Variants in SLC15A1 observed in about 807,000 individuals in gnomAD.
SLC15A1 encodes Caco-2 oligopeptide transporter.
In SLC15A1, 83 loss-of-function variants were observed where a neutral mutation model predicts 92.9. The ratio of observed to expected loss-of-function variants is 0.89; its 90% CI spans 0.75 to 1.07. The LOEUF (loss-of-function observed/expected upper bound fraction) is 1.07. Ranked by LOEUF, SLC15A1 falls within the 50% of genes least tolerant of loss-of-function variation. The probability of loss-of-function intolerance (pLI) is 0.00; values close to 1 mark genes in which losing one functional copy is unlikely to be tolerated. For synonymous variants in SLC15A1, 322 were observed against 318.2 expected (o/e 1.01, Z -0.13); for missense variants, 857 against 880.1 (o/e 0.97, Z 0.33).
chr13:98,706,392 T>C, intron 15 of SLC15A1, 139 bp from the exon 16 acceptor site: 7 of 897,108 alleles, frequency 7.8e-6, no homozygotes, highest in Non-Finnish European at 1.2e-5. Flanking sequence ...CCCACTAAGC[T>C]GCCAATCACA....
At chr13:98,736,121 A>G (rs1329636185) in intron 1 of SLC15A1, among the ~76,000 whole-genome samples, 9 of 152,224 alleles carry the variant, frequency 5.9e-5, no homozygotes, top group African/African-American at 2.4e-5. Flanking sequence ...CCAAAACAGC[A>G]TGGTACTGGT....
chr13:98,704,542 T>A (rs374097036), intron 16 of SLC15A1, 107 bp from the exon 17 acceptor site: 21 of 1,191,852 alleles, frequency 1.8e-5, no homozygotes, highest in East Asian at 5.1e-5. Flanking sequence ...CAGGTTCATG[T>A]TCATAGATAC....
At chr13:98,690,654 G>A (rs368779630) in intron 18 of SLC15A1, among the ~76,000 whole-genome samples, 1 of 152,146 alleles carries the variant, frequency 6.6e-6, no homozygotes, top group African/African-American at 2.4e-5. Context: ...TGGGGTCTGG[G>A]AAATGCGTCC....
intron 17 of SLC15A1, 50 bp downstream of exon 17, chr13:98,704,239 T>G: frequency 6.6e-7 from 1 of 1,508,994 alleles, no homozygotes; most frequent in Non-Finnish European, 8.8e-7. Flanking sequence ...AATTTTGGCC[T>G]CCAGTATCAC....
intron 18 of SLC15A1, among the ~76,000 whole-genome samples, chr13:98,692,769 G>A (rs1281740023): frequency 1.3e-5 from 2 of 151,816 alleles, no homozygotes; most frequent in Non-Finnish European, 2.9e-5. Context: ...GTTTGAAGAC[G>A]GAGTCTCACT....
intron 1 of SLC15A1, among the ~76,000 whole-genome samples, chr13:98,729,927 T>C (rs769332663): frequency 8.6e-5 from 13 of 151,912 alleles, no homozygotes; most frequent in Non-Finnish European, 1.5e-4. Context: ...TTTGCCCACT[T>C]AAGAGCATTT....
intron 16 of SLC15A1, 81 bp from the exon 17 acceptor site, chr13:98,704,516 T>C: frequency 7.3e-7 from 1 of 1,363,618 alleles, no homozygotes; most frequent in Non-Finnish European, 1.0e-6. Flanking sequence ...AGCAGTTATC[T>C]GATATTCTGC....
chr13:98,740,243 G>T (rs1230028239), intron 1 of SLC15A1, among the ~76,000 whole-genome samples: 1 of 152,230 alleles, frequency 6.6e-6, no homozygotes, highest in Non-Finnish European at 1.5e-5. Context: ...GCAGAAACAT[G>T]CCTGGGGCAG....
At chr13:98,733,176 AT>A (rs1293733532) in intron 1 of SLC15A1, among the ~76,000 whole-genome samples, 2 of 152,124 alleles carry the variant, frequency 1.3e-5, no homozygotes, top group Non-Finnish European at 1.5e-5. Flanking sequence ...CGACACCTTG[AT>A]TTTAGCCCGG....
intron 18 of SLC15A1, among the ~76,000 whole-genome samples, chr13:98,698,423 T>C (rs1006276640): frequency 5.9e-5 from 9 of 151,998 alleles, no homozygotes; most frequent in Admixed American, 5.9e-4. Context: ...TATTAGTAAG[T>C]TGTTTTTTGG....
At chr13:98,707,894 A>ATT (rs1566447947) in intron 15 of SLC15A1, among the ~76,000 whole-genome samples, 6,156 of 40,890 alleles carry the variant, frequency 0.15, 639 homozygotes, top group African/African-American at 0.28. Context: ...CCCTGTTTAA[A>ATT]AAAAAAAAAA....
chr13:98,737,658 C>G (rs1317178063), intron 1 of SLC15A1, among the ~76,000 whole-genome samples: 1 of 152,114 alleles, frequency 6.6e-6, no homozygotes, highest in Non-Finnish European at 1.5e-5. Flanking sequence ...CCTGCAGAAC[C>G]GTGAGCCAAT....
intron 1 of SLC15A1, among the ~76,000 whole-genome samples, chr13:98,740,425 G>A (rs968066466): frequency 4.6e-5 from 7 of 152,100 alleles, no homozygotes; most frequent in East Asian, 3.9e-4. Flanking sequence ...TCCTAGGCCC[G>A]GCATTCAAGG....
intron 1 of SLC15A1, among the ~76,000 whole-genome samples, chr13:98,738,465 G>C (rs879890100): frequency 1.3e-5 from 2 of 152,270 alleles, no homozygotes; most frequent in Non-Finnish European, 2.9e-5. Context: ...GCCAGCCCAG[G>C]GCCCCACAGC....
chr13:98,747,461 G>T (rs2139615755), intron 1 of SLC15A1, among the ~76,000 whole-genome samples: 1 of 152,328 alleles, frequency 6.6e-6, no homozygotes, highest in East Asian at 1.9e-4. Flanking sequence ...CCACCATGGG[G>T]AATAGAGTAG....
chr13:98,746,120 T>C (rs1445183431), intron 1 of SLC15A1, among the ~76,000 whole-genome samples: 1 of 152,178 alleles, frequency 6.6e-6, no homozygotes, highest in East Asian at 1.9e-4. Flanking sequence ...CGTGGGAAAA[T>C]GCAGTGTTTG....
Position 98,713,453 on chromosome 13 carries a change from C to T in SLC15A1, c.724-869G>A, listed in dbSNP as rs868287102. 3.9e-5 allele frequency among the ~76,000 whole-genome samples: 6 copies of T among 152,278 alleles called. 1 individual carries two copies. Among genetic ancestry groups the T allele is most frequent in the Middle Eastern group, 3.4e-3 (1 of 292 alleles). ...GTGTTTGAAAAACCAGATTTACACA[C>T]TAAGTTGTTTCAAACATACTTAAAA... On this transcript the variant is annotated intron_variant, in intron 9 of 22. Transcript: ENST00000376503.
Position 98,726,247 on chromosome 13 carries a change from A to G in SLC15A1, c.121T>C (p.Phe41Leu), listed in dbSNP as rs752357974. The G allele has an allele frequency of 6.2e-7, 1 of 1,614,138 alleles. No individual in the cohort carries two copies. Among genetic ancestry groups the G allele is most frequent in the Admixed American group, 1.7e-5 (1 of 60,012 alleles). ...TCATCCCAGCTGATGAAATTTGTGAAGTACAGAATCAGGATTGCTTTTGCA... is the reference window on the plus strand; with the variant it reads ...TCATCCCAGCTGATGAAATTTGTGAGGTACAGAATCAGGATTGCTTTTGCA... ...YGMRAILILY[F>L]TNFISWDDNL... The change falls in exon 4 of 23, where the codon TTC becomes CTC. Residue 41 changes from phenylalanine (F) to leucine (L), a missense_variant. Coordinates refer to ENST00000376503, the MANE Select transcript of SLC15A1 (RefSeq NM_005073.4).
At chr13:98,702,021 C>G (rs2088071965) in intron 18 of SLC15A1, among the ~76,000 whole-genome samples, 2 of 152,082 alleles carry the variant, frequency 1.3e-5, no homozygotes, top group Non-Finnish European at 2.9e-5. Context: ...GATGCTTTTA[C>G]TTCTTTTTCT....
Sources: gnomAD v4.1 joint callset for allele counts (sites outside exome capture counted in the v4.1 genomes callset) on GRCh38, gnomAD v4.1.1 for gene constraint, MANE v1.5 for transcripts, NCBI Gene and HGNC (gene_info 2026-07-23, HGNC 2026-07-21) for gene names.